FAM107B: variants seen among roughly 807,000 people sequenced by gnomAD.
FAM107B encodes protein FAM107B.
Under a neutral mutation model 31.5 loss-of-function variants are expected in FAM107B, and 21 were observed. The ratio of observed to expected loss-of-function variants is 0.67; its 90% confidence interval spans 0.47 to 0.96. The LOEUF (loss-of-function observed/expected upper bound fraction) is 0.96. Ranked by LOEUF, FAM107B falls within the 40% of genes least tolerant of loss-of-function variation. FAM107B has a pLI of 0.00. For synonymous variants in FAM107B, 157 were observed against 141.5 expected (o/e 1.11, Z -0.78); for missense variants, 452 against 377.1 (o/e 1.20, Z -1.64).
At chr10:14,664,688 T>G (rs950231219) in intron 2 of FAM107B, among the ~76,000 whole-genome samples, 2 of 152,230 alleles carry the variant, frequency 1.3e-5, no homozygotes, top group African/African-American at 2.4e-5. Context: ...AATTGCCTAG[T>G]GACACATTTC....
intron 2 of FAM107B, among the ~76,000 whole-genome samples, chr10:14,607,254 C>A (rs1852617846): frequency 6.6e-6 from 1 of 152,118 alleles, no homozygotes; most frequent in Non-Finnish European, 1.5e-5. Flanking sequence ...CAAATAAGAG[C>A]AAATATTTAC....
intron 1 of FAM107B, among the ~76,000 whole-genome samples, chr10:14,766,696 T>C (rs1435333376): frequency 2.0e-5 from 3 of 151,878 alleles, no homozygotes; most frequent in Non-Finnish European, 2.9e-5. Flanking sequence ...GTACTTATAA[T>C]GGCCATAGCT....
At chr10:14,584,074 T>C (rs971902401) in intron 2 of FAM107B, among the ~76,000 whole-genome samples, 2 of 152,164 alleles carry the variant, frequency 1.3e-5, no homozygotes, top group Admixed American at 1.3e-4. Flanking sequence ...TGCTGAGACA[T>C]ACTGGGTCCG....
chr10:14,690,592 A>G (rs971475991), intron 1 of FAM107B, among the ~76,000 whole-genome samples: 2 of 152,044 alleles, frequency 1.3e-5, no homozygotes, highest in African/African-American at 4.8e-5. Flanking sequence ...AGCTGGGACT[A>G]CAGTTGCGCG....
chr10:14,742,885 C>G (rs748318147), intron 1 of FAM107B, among the ~76,000 whole-genome samples: 1 of 152,184 alleles, frequency 6.6e-6, no homozygotes, highest in Admixed American at 6.5e-5. Flanking sequence ...GGCCACCACT[C>G]CACTGCGACA....
At chr10:14,538,985 T>A (rs1485032242) in intron 2 of FAM107B, among the ~76,000 whole-genome samples, 1 of 152,262 alleles carries the variant, frequency 6.6e-6, no homozygotes, top group Non-Finnish European at 1.5e-5. Context: ...CTCAGCATTC[T>A]TGAAAACTCA....
At chr10:14,572,391 G>A (rs1319412007) in intron 2 of FAM107B, 3 of 985,286 alleles carry the variant, frequency 3.0e-6, no homozygotes, top group Admixed American at 6.2e-5. Flanking sequence ...GCATGCGTGA[G>A]TCAACCTCCA....
At chr10:14,604,833 GTC>G (rs1048228046) in intron 2 of FAM107B, among the ~76,000 whole-genome samples, 19 of 150,258 alleles carry the variant, frequency 1.3e-4, no homozygotes, top group African/African-American at 4.1e-4. Context: ...CTCTCTCATT[GTC>G]TCTCTTTCTC....
chr10:14,643,878 T>A (rs1401598416), intron 2 of FAM107B, among the ~76,000 whole-genome samples: 20 of 152,254 alleles, frequency 1.3e-4, no homozygotes, highest in Admixed American at 1.3e-3. Flanking sequence ...ATGATTTTAG[T>A]ACTCCACAAC....
intron 2 of FAM107B, among the ~76,000 whole-genome samples, chr10:14,609,961 A>C (rs1852686480): frequency 6.6e-6 from 1 of 152,260 alleles, no homozygotes; most frequent in Non-Finnish European, 1.5e-5. Context: ...CCGAATTCCC[A>C]CATGGTCCGT....
chr10:14,540,041 A>G (rs1848022952), intron 2 of FAM107B, among the ~76,000 whole-genome samples: 1 of 152,234 alleles, frequency 6.6e-6, no homozygotes, highest in Admixed American at 6.5e-5. Flanking sequence ...ACACAGGCAG[A>G]GCCTGCTCCA....
chr10:14,691,894 A>C lies in FAM107B; in HGVS notation c.412-24203T>G, dbSNP rs1040756796. Reference sequence around the variant, plus strand: ...GAGCTACAGAGTGAGACTCTGTCACAAAAAAAAAAAAAAAAAATTAAACTA... The same window carrying C: ...GAGCTACAGAGTGAGACTCTGTCACCAAAAAAAAAAAAAAAAATTAAACTA... On this transcript the variant is annotated intron_variant, in intron 1 of 4. Transcript: ENST00000181796. Among the ~76,000 whole-genome samples, 4 of 59,948 alleles carry C rather than the reference A, an allele frequency of 6.7e-5. No homozygotes were observed. In the African/African-American group the frequency reaches 6.9e-4, roughly 10 times the overall value. The allele number at this position is 59,948 out of a possible 152,430, so 39.3% of individuals were successfully genotyped here.
At chr10:14,667,426 C>A (rs1854430566) in intron 2 of FAM107B, among the ~76,000 whole-genome samples, 1 of 152,140 alleles carries the variant, frequency 6.6e-6, no homozygotes, top group African/African-American at 2.4e-5. Context: ...AGAAAGAAGA[C>A]AAAGAACAGA....
intron 1 of FAM107B, among the ~76,000 whole-genome samples, chr10:14,753,566 G>A (rs117680788): frequency 0.011 from 1,628 of 152,258 alleles, 13 homozygotes; most frequent in Non-Finnish European, 0.017. Flanking sequence ...AAGTGAAATC[G>A]AGCTCATCTT....
chr10:14,692,844 C>G (rs1855173920), intron 1 of FAM107B, among the ~76,000 whole-genome samples: 2 of 152,302 alleles, frequency 1.3e-5, no homozygotes, highest in Admixed American at 6.5e-5. Flanking sequence ...CCTTTATGTG[C>G]CACGTGAGAA....
intron 2 of FAM107B, among the ~76,000 whole-genome samples, chr10:14,550,967 A>T (rs975666292): frequency 9.9e-5 from 15 of 152,252 alleles, no homozygotes; most frequent in African/African-American, 3.4e-4. Flanking sequence ...AATACAGATC[A>T]TCATAGCTAA....
chr10:14,531,175 G>A (rs1168265397), intron 2 of FAM107B, among the ~76,000 whole-genome samples: 4 of 152,222 alleles, frequency 2.6e-5, no homozygotes, highest in East Asian at 1.9e-4. Context: ...GACTGAAACC[G>A]CTGCTTCACT....
intron 2 of FAM107B, among the ~76,000 whole-genome samples, chr10:14,588,157 T>A (rs1040953733): frequency 6.6e-6 from 1 of 152,070 alleles, no homozygotes; most frequent in Non-Finnish European, 1.5e-5. Context: ...TAGTCAGCCA[T>A]GTGCTCACGT....
intron 1 of FAM107B, among the ~76,000 whole-genome samples, chr10:14,749,168 G>A (rs559340723): frequency 6.6e-6 from 1 of 152,284 alleles, no homozygotes. Context: ...TTTCCGGAAG[G>A]GATGAATTGC....
Sources: gnomAD v4.1 joint callset for allele counts (sites outside exome capture counted in the v4.1 genomes callset) on GRCh38, gnomAD v4.1.1 for gene constraint, MANE v1.5 for transcripts, NCBI Gene and HGNC (gene_info 2026-07-23, HGNC 2026-07-21) for gene names.